The following HTT variants were observed in gnomAD, a reference collection of about 807,000 sequenced individuals.
HTT encodes the protein huntington disease protein.
A neutral mutation model predicts 362.3 loss-of-function variants in HTT; 104 were observed. The observed-to-expected ratio is 0.29, with a 90% CI of 0.24 to 0.34. The LOEUF is 0.34. Ranked by LOEUF, HTT falls within the 10% of genes least tolerant of loss-of-function variation. The pLI is 1.00. For missense variants in HTT, 3,301 were observed against 3,928.6 expected (o/e 0.84, Z 4.27); for synonymous variants, 1,577 against 1,548.7 (o/e 1.02, Z -0.43).
intron 2 of HTT, among the ~76,000 whole-genome samples, 162 bp from the exon 3 acceptor site, chr4:3,099,112 T>A (rs1479374274): frequency 1.3e-5 from 2 of 152,224 alleles, no homozygotes; most frequent in Non-Finnish European, 2.9e-5. Context: ...AATATTGATA[T>A]GCTATTAACT....
In HTT at chr4:3,074,739, A is replaced by G. The variant is rs1282102824; in HGVS notation, c.-87A>G. The G allele has an allele frequency of 5.8e-6, 8 of 1,382,952 alleles. No homozygotes were observed. Among genetic ancestry groups the G allele is most frequent in the South Asian group, 1.3e-5 (1 of 77,220 alleles). The allele number at this position is 1,382,952 out of a possible 1,614,324, so 85.7% of individuals were successfully genotyped here. A position where few individuals can be genotyped will look rare whatever the true frequency, so the allele number is the denominator to read the frequency against. On this transcript the variant is annotated 5_prime_UTR_variant, in exon 1 of 67. Coordinates refer to ENST00000355072, the MANE Select transcript of HTT (RefSeq NM_001388492.1). ...CAGGTTCTGCTTTTACCTGCGGCCCAGAGCCCCATTCATTGCCCCGGTGCT... is the reference window on the plus strand; with the variant it reads ...CAGGTTCTGCTTTTACCTGCGGCCCGGAGCCCCATTCATTGCCCCGGTGCT...
At position 3,239,955 on chromosome 4, in the gene HTT, C is replaced by T. The variant is rs370674094; in HGVS notation, c.9325C>T (p.Arg3109Cys). ...ACACCAGATAGAGGAGGAGCTCGAC[C>T]GCAGGGCCTTCCAGTCTGTGCTTGA... ...YRHQIEEELD[R>C]RAFQSVLEVV... Residue 3109 changes from arginine (R) to cysteine (C), a missense_variant, in exon 67 of 67, where the codon CGC (arginine) becomes TGC (cysteine). This residue lies in a region of HTT where 753 missense variants were observed against 1,021.3 expected (regional missense o/e 0.74). Coordinates refer to ENST00000355072, the MANE Select transcript of HTT (RefSeq NM_001388492.1). 10 of 1,591,938 alleles carry T rather than the reference C, an allele frequency of 6.3e-6. No homozygotes were observed. Among genetic ancestry groups the T allele is most frequent in the South Asian group, 3.4e-5 (3 of 87,432 alleles).
chr4:3,191,154 GCTTT>G (rs71180117), intron 40 of HTT, among the ~76,000 whole-genome samples: 35,383 of 147,820 alleles, frequency 0.24, 5,270 homozygotes, highest in East Asian at 0.39. Flanking sequence ...TACTGCTTGA[GCTTT>G]CTTTCTTTCT....
chr4:3,232,290 G>A (rs1272147438), intron 60 of HTT, among the ~76,000 whole-genome samples: 1 of 152,184 alleles, frequency 6.6e-6, no homozygotes, highest in African/African-American at 2.4e-5. Flanking sequence ...CCTGCGGAGA[G>A]GCTCCTACCA....
At chr4:3,164,756 T>C (rs1422055472) in intron 29 of HTT, among the ~76,000 whole-genome samples, 1 of 152,230 alleles carries the variant, frequency 6.6e-6, no homozygotes, top group African/African-American at 2.4e-5. Context: ...TGCTTTTTTT[T>C]TGCTTTCCAT....
In HTT at chr4:3,218,974, T is replaced by C. The variant is rs1720547906; in HGVS notation, c.7242+1022T>C. On this transcript the variant is annotated intron_variant, in intron 52 of 66. Coordinates refer to ENST00000355072, the MANE Select transcript of HTT (RefSeq NM_001388492.1). The surrounding 1 kb of genome is among the most constrained non-coding windows in gnomAD (Gnocchi z 4.4). ...ACGTGTGTGTATGTATGCTGGAGAG[T>C]CTAGGGAGGCTTGCTCCAAGGACGC... Among the ~76,000 whole-genome samples, 1 of 151,946 alleles carries C rather than the reference T, an allele frequency of 6.6e-6. No homozygotes were observed. Among genetic ancestry groups the C allele is most frequent in the African/African-American group, 2.4e-5 (1 of 41,368 alleles).
Position 3,074,954 on chromosome 4 carries a change from G to GCCGCCGCCA in HTT, c.137_138insACCGCCGCC (p.Pro47_Pro49dup). ...AGCAGCAACAGCCGCCACCGCCGCC[G>GCCGCCGCCA]CCGCCGCCGCCGCCTCCTCAGCTTC... On this transcript the variant is annotated inframe_insertion, in exon 1 of 67. Transcript: ENST00000355072. 6.7e-7 allele frequency: 1 copy of GCCGCCGCCA among 1,488,706 alleles called. No individual in the cohort carries two copies. Among genetic ancestry groups the GCCGCCGCCA allele is most frequent in the Non-Finnish European group, 8.9e-7 (1 of 1,122,600 alleles). The allele number at this position is 1,488,706 out of a possible 1,614,324, so 92.2% of individuals were successfully genotyped here. A position where few individuals can be genotyped will look rare whatever the true frequency, so the allele number is the denominator to read the frequency against.
At chr4:3,157,721 G>A (rs558425815) in intron 28 of HTT, among the ~76,000 whole-genome samples, 4 of 152,222 alleles carry the variant, frequency 2.6e-5, no homozygotes, top group Non-Finnish European at 5.9e-5. Context: ...ACCCCCAAGA[G>A]CCAGCCTTTC....
At chr4:3,130,122 C>G in intron 13 of HTT, 75 bp downstream of exon 13, 1 of 1,439,840 alleles carries the variant, frequency 6.9e-7, no homozygotes, top group Non-Finnish European at 9.4e-7. Flanking sequence ...ATCTTTGCTT[C>G]CAAGAAGAAG....
chr4:3,134,331 CA>C (rs762704013), intron 18 of HTT, 69 bp from the exon 19 acceptor site: 158 of 1,406,340 alleles, frequency 1.1e-4, no homozygotes, highest in Non-Finnish European at 1.1e-4. Flanking sequence ...TGACGGTTCT[CA>C]AACCGTCAAG....
intron 39 of HTT, 30 bp downstream of exon 39, chr4:3,187,916 C>A (rs1033272594): frequency 1.4e-6 from 2 of 1,380,362 alleles, no homozygotes; most frequent in African/African-American, 2.9e-5. Flanking sequence ...CTATAACTAA[C>A]CCATGCCTTT....
chr4:3,127,667 C>G, intron 12 of HTT, 63 bp downstream of exon 12: 2 of 1,259,122 alleles, frequency 1.6e-6, no homozygotes. Flanking sequence ...GAGTCTCACT[C>G]CATAGTGCAG....
intron 2 of HTT, among the ~76,000 whole-genome samples, chr4:3,094,503 G>T (rs984095112): frequency 6.6e-6 from 1 of 151,200 alleles, no homozygotes; most frequent in Admixed American, 6.6e-5. Context: ...GGGCAGAGGC[G>T]CCCCCCAACC....
chr4:3,162,412 T>C (rs189088016), intron 29 of HTT, among the ~76,000 whole-genome samples: 14 of 152,352 alleles, frequency 9.2e-5, no homozygotes, highest in Admixed American at 3.3e-4. Flanking sequence ...GCAGGCTCTT[T>C]TTTGGTTCCA....
intron 37 of HTT, among the ~76,000 whole-genome samples, chr4:3,185,697 G>A (rs1718728739): frequency 6.6e-6 from 1 of 152,224 alleles, no homozygotes; most frequent in Non-Finnish European, 1.5e-5. Context: ...CAGATTGCTT[G>A]AGCTCAGGAG....
At chr4:3,162,719 C>T (rs1266504500) in intron 29 of HTT, among the ~76,000 whole-genome samples, 1 of 152,120 alleles carries the variant, frequency 6.6e-6, no homozygotes, top group Non-Finnish European at 1.5e-5. Context: ...TGATTTGGCT[C>T]TCTGTTTGTC....
chr4:3,237,770 CTGA>C (rs1249090585), intron 64 of HTT, among the ~76,000 whole-genome samples: 1 of 152,108 alleles, frequency 6.6e-6, no homozygotes, highest in African/African-American at 2.4e-5. Context: ...CATGTGTGCA[CTGA>C]TGAGACGGGA....
chr4:3,103,386 G>A (rs1339595059), intron 3 of HTT, among the ~76,000 whole-genome samples: 1 of 151,326 alleles, frequency 6.6e-6, no homozygotes, highest in South Asian at 2.1e-4. Flanking sequence ...CACCACACCC[G>A]GCTAATTTTT....
chr4:3,133,158 A>G (rs1026353135), intron 18 of HTT, among the ~76,000 whole-genome samples: 2 of 152,138 alleles, frequency 1.3e-5, no homozygotes, highest in African/African-American at 2.4e-5. Flanking sequence ...CCTAAAGGAT[A>G]TATTTAGAAA....
Sources: allele counts gnomAD v4.1 joint callset (sites outside exome capture counted in the v4.1 genomes callset), GRCh38; gene constraint gnomAD v4.1.1; regional missense constraint gnomAD v4.1.1; non-coding constraint Gnocchi (gnomAD v3.1); transcripts MANE v1.5; gene names NCBI Gene and HGNC (gene_info 2026-07-23, HGNC 2026-07-21).